The following DLG2 variants were observed in gnomAD, a reference collection of about 807,000 sequenced individuals.
DLG2 encodes the protein discs large MAGUK scaffold protein 2.
A neutral mutation model predicts 132.5 loss-of-function variants in DLG2; 45 were observed. The ratio of observed to expected loss-of-function variants is 0.34; its 90% confidence interval spans 0.27 to 0.44. The LOEUF is 0.44. Ranked by LOEUF, DLG2 falls within the 20% of genes least tolerant of loss-of-function variation. DLG2 has a pLI of 1.00. For synonymous variants in DLG2, 424 were observed against 419.6 expected (o/e 1.01, Z -0.13); for missense variants, 1,045 against 1,196.9 (o/e 0.87, Z 1.87).
chr11:84,974,896 A>G (rs1321331326), intron 6 of DLG2, among the ~76,000 whole-genome samples: 1 of 152,272 alleles, frequency 6.6e-6, no homozygotes, highest in Non-Finnish European at 1.5e-5. Context: ...GAAGTTATAA[A>G]TAGGTATAGA....
intron 6 of DLG2, among the ~76,000 whole-genome samples, chr11:84,834,829 A>G (rs950293307): frequency 1.3e-5 from 2 of 151,410 alleles, no homozygotes; most frequent in Non-Finnish European, 3.0e-5. Context: ...AGGATTAAAT[A>G]TCAAAGAATT....
At chr11:85,159,976 A>T (rs2077899907) in intron 4 of DLG2, among the ~76,000 whole-genome samples, 1 of 152,230 alleles carries the variant, frequency 6.6e-6, no homozygotes, top group Non-Finnish European at 1.5e-5. Flanking sequence ...AGACATTTGC[A>T]TGCCAGAGGA....
intron 7 of DLG2, among the ~76,000 whole-genome samples, chr11:84,519,847 G>T (rs922097235): frequency 2.0e-5 from 3 of 152,208 alleles, no homozygotes; most frequent in Middle Eastern, 3.4e-3. Context: ...ATGTTCCATA[G>T]GAAGTCCATA....
At chr11:84,476,412 T>C (rs113517742) in intron 7 of DLG2, among the ~76,000 whole-genome samples, 73 of 152,272 alleles carry the variant, frequency 4.8e-4, no homozygotes, top group African/African-American at 1.7e-3. Context: ...AACTGCATTC[T>C]TTACTTATTT....
chr11:83,475,529 G>A (rs999680119), intron 22 of DLG2, among the ~76,000 whole-genome samples: 6 of 138,936 alleles, frequency 4.3e-5, no homozygotes, highest in South Asian at 2.6e-4. Flanking sequence ...ATATTGCACT[G>A]TCTTGAAACA....
At chr11:84,601,747 G>T (rs558360346) in intron 6 of DLG2, among the ~76,000 whole-genome samples, 2 of 152,068 alleles carry the variant, frequency 1.3e-5, no homozygotes, top group Non-Finnish European at 2.9e-5. Context: ...ATATATTTCA[G>T]TTTTTACACA....
intron 7 of DLG2, among the ~76,000 whole-genome samples, chr11:84,425,908 C>G (rs919923888): frequency 6.6e-6 from 1 of 152,100 alleles, no homozygotes; most frequent in African/African-American, 2.4e-5. Flanking sequence ...ATTAATGCAA[C>G]CACTGGTGTG....
chr11:85,131,861 TATTA>T (rs1222347617), intron 5 of DLG2, among the ~76,000 whole-genome samples: 3 of 152,180 alleles, frequency 2.0e-5, no homozygotes, highest in Non-Finnish European at 2.9e-5. Flanking sequence ...TGTACTAAGC[TATTA>T]ATTTTGTTAT....
chr11:84,656,115 C>A (rs143549390), intron 6 of DLG2, among the ~76,000 whole-genome samples: 1 of 152,172 alleles, frequency 6.6e-6, no homozygotes, highest in Non-Finnish European at 1.5e-5. Flanking sequence ...CACAAAACCT[C>A]TGCATGGAAA....
intron 4 of DLG2, among the ~76,000 whole-genome samples, chr11:85,217,133 A>G (rs1216333361): frequency 2.0e-5 from 3 of 152,190 alleles, no homozygotes; most frequent in African/African-American, 7.2e-5. Context: ...ACTCACAAAG[A>G]GGGAGAGTAA....
chr11:84,615,347 G>A (rs2099602083), intron 6 of DLG2, among the ~76,000 whole-genome samples: 1 of 152,022 alleles, frequency 6.6e-6, no homozygotes, highest in South Asian at 2.1e-4. Flanking sequence ...CGCAAACAGA[G>A]TTACCAGAAC....
chr11:85,033,656 T>C (rs183834923), intron 6 of DLG2, among the ~76,000 whole-genome samples: 2 of 152,304 alleles, frequency 1.3e-5, no homozygotes, highest in Admixed American at 1.3e-4. Context: ...CTCAGATTCA[T>C]AATTGTTTGA....
At position 84,097,932 on chromosome 11, in the gene DLG2, T is replaced by C. The variant is rs186750015; in HGVS notation, c.749+991A>G. Among the ~76,000 whole-genome samples the C allele has an allele frequency of 5.8e-3, 880 of 152,118 alleles. 2 individuals are homozygous for C. Among genetic ancestry groups the C allele is most frequent in the African/African-American group, 0.012 (511 of 41,518 alleles). ...TGAGGGTAACTCTTATTTCCCACAA[T>C]TAAGTTCCTTAAAGAAAGTAGCCCA... On this transcript the variant is annotated intron_variant, in intron 10 of 27. Coordinates refer to ENST00000376104, the MANE Select transcript of DLG2 (RefSeq NM_001142699.3).
At chr11:83,593,515 G>A (rs1242481542) in intron 19 of DLG2, among the ~76,000 whole-genome samples, 1 of 151,872 alleles carries the variant, frequency 6.6e-6, no homozygotes, top group South Asian at 2.1e-4. Flanking sequence ...GAGGGGGGAG[G>A]GATAGCATTG....
chr11:83,945,806 CTGTGTG>C lies in DLG2; in HGVS notation c.1341-15329_1341-15324del, dbSNP rs56913664. Among the ~76,000 whole-genome samples, 1,184 of 136,368 alleles carry C rather than the reference CTGTGTG, an allele frequency of 8.7e-3. 14 individuals carry two copies. Among genetic ancestry groups the C allele is most frequent in the African/African-American group, 0.03 (1,110 of 36,704 alleles). 89.5% of individuals were successfully genotyped at this position (136,368 alleles called of 152,430 possible). On this transcript the variant is annotated intron_variant, in intron 14 of 27. Coordinates refer to ENST00000376104, the MANE Select transcript of DLG2 (RefSeq NM_001142699.3). ...AATTTATCCTATGAGAGAAATGCCT[CTGTGTG>C]TGTGTGTGTGTGTGTGTGTGTGTGT...
chr11:85,057,663 C>T (rs946712658), intron 6 of DLG2, among the ~76,000 whole-genome samples: 5 of 151,282 alleles, frequency 3.3e-5, no homozygotes, highest in African/African-American at 7.3e-5. Context: ...TTAAGGCCAG[C>T]GTATTTTTGA....
intron 3 of DLG2, among the ~76,000 whole-genome samples, chr11:85,301,216 G>A (rs911368971): frequency 5.3e-5 from 8 of 151,450 alleles, no homozygotes; most frequent in East Asian, 1.9e-4. Flanking sequence ...AAAACAAAAC[G>A]AAAAAAACAA....
intron 7 of DLG2, among the ~76,000 whole-genome samples, chr11:84,358,919 A>G (rs1300810851): frequency 6.6e-6 from 1 of 151,974 alleles, no homozygotes; most frequent in Non-Finnish European, 1.5e-5. Flanking sequence ...TAGAAAATAA[A>G]AAAGCTGAGA....
chr11:85,602,682 C>T (rs1180621979), intron 2 of DLG2, among the ~76,000 whole-genome samples: 3 of 152,130 alleles, frequency 2.0e-5, no homozygotes, highest in Non-Finnish European at 2.9e-5. Context: ...AACTCAAACC[C>T]TCCAGTGTCT....
Sources: gnomAD v4.1 joint callset for allele counts (sites outside exome capture counted in the v4.1 genomes callset) on GRCh38, gnomAD v4.1.1 for gene constraint, MANE v1.5 for transcripts, NCBI Gene and HGNC (gene_info 2026-07-23, HGNC 2026-07-21) for gene names.